CSMD3: variants seen among roughly 807,000 people sequenced by gnomAD.
CSMD3 encodes CUB and Sushi multiple domains 3, also known as CUB and sushi domain-containing protein 3.
Under a neutral mutation model 435.2 loss-of-function variants are expected in CSMD3, and 177 were observed. That is an observed-to-expected ratio of 0.41 (90% confidence interval 0.36 to 0.46). CSMD3 has a LOEUF of 0.46. Ranked by LOEUF, CSMD3 falls within the 20% of genes least tolerant of loss-of-function variation. The pLI is 0.34. For synonymous variants in CSMD3, 1,656 were observed against 1,520.5 expected, an observed-to-expected ratio of 1.09 and a Z score of -2.07; for missense variants, 4,265 against 4,504.6, an observed-to-expected ratio of 0.95 and a Z score of 1.52.
At chr8:112,279,259 T>A (rs1818397912) in intron 59 of CSMD3, among the ~76,000 whole-genome samples, 1 of 152,198 alleles carries the variant, frequency 6.6e-6, no homozygotes, top group Non-Finnish European at 1.5e-5. Flanking sequence ...TCTTCATAGA[T>A]ACTGGGCCTC....
intron 1 of CSMD3, among the ~76,000 whole-genome samples, chr8:113,366,448 T>A (rs939891940): frequency 6.6e-6 from 1 of 152,054 alleles, no homozygotes; most frequent in African/African-American, 2.4e-5. Flanking sequence ...AATACCTTAC[T>A]AAGAACTGTA....
At chr8:112,953,139 T>G (rs1361001734) in intron 8 of CSMD3, among the ~76,000 whole-genome samples, 3 of 151,452 alleles carry the variant, frequency 2.0e-5, no homozygotes, top group East Asian at 1.9e-4. Flanking sequence ...TAAGCCATTC[T>G]AATACGCTGT....
intron 1 of CSMD3, among the ~76,000 whole-genome samples, chr8:113,343,021 A>C (rs2094130174): frequency 6.6e-6 from 1 of 152,114 alleles, no homozygotes; most frequent in Middle Eastern, 3.4e-3. Context: ...AGGAGGAGGA[A>C]GAAGAGTCAA....
intron 5 of CSMD3, among the ~76,000 whole-genome samples, chr8:113,094,480 T>G (rs1178885132): frequency 6.6e-6 from 1 of 152,160 alleles, no homozygotes; most frequent in East Asian, 1.9e-4. Context: ...TTTTTCAATG[T>G]CTGGTAGGTG....
intron 5 of CSMD3, among the ~76,000 whole-genome samples, chr8:113,088,975 A>G (rs145344260): frequency 6.6e-6 from 1 of 152,100 alleles, no homozygotes; most frequent in Non-Finnish European, 1.5e-5. Context: ...CATTAAACAC[A>G]TATTTTTCTT....
intron 11 of CSMD3, among the ~76,000 whole-genome samples, chr8:112,854,686 A>C (rs980251398): frequency 6.6e-6 from 1 of 152,232 alleles, no homozygotes; most frequent in African/African-American, 2.4e-5. Flanking sequence ...TGGGATCATG[A>C]AATTTAAAAT....
chr8:113,236,106 A>G (rs1225628775), intron 3 of CSMD3, among the ~76,000 whole-genome samples: 1 of 152,178 alleles, frequency 6.6e-6, no homozygotes, highest in Non-Finnish European at 1.5e-5. Context: ...TCCTCATTTG[A>G]ATAGTAAAAA....
chr8:113,425,530 A>T (rs2094631318), intron 1 of CSMD3, among the ~76,000 whole-genome samples: 1 of 151,386 alleles, frequency 6.6e-6, no homozygotes, highest in Non-Finnish European at 1.5e-5. Context: ...CAAATTGGCA[A>T]TATATAAAAA....
chr8:112,656,078 C>A (rs2131659772), intron 18 of CSMD3, 76 bp downstream of exon 18: 1 of 776,262 alleles, frequency 1.3e-6, no homozygotes, highest in South Asian at 1.5e-5. Context: ...GCTAATAGTT[C>A]CATTAGTAAA....
chr8:112,622,826 T>C (rs987527314), intron 22 of CSMD3, among the ~76,000 whole-genome samples: 1 of 152,148 alleles, frequency 6.6e-6, no homozygotes, highest in Non-Finnish European at 1.5e-5. Flanking sequence ...GGTTGATACA[T>C]GCAAATCACT....
intron 27 of CSMD3, among the ~76,000 whole-genome samples, chr8:112,541,860 T>A (rs1196175442): frequency 1.3e-5 from 2 of 151,882 alleles, no homozygotes; most frequent in Non-Finnish European, 2.9e-5. Context: ...ATATTTCTGA[T>A]GAATACATGT....
At chr8:112,343,808 G>A (rs187681224) in intron 41 of CSMD3, among the ~76,000 whole-genome samples, 4 of 152,070 alleles carry the variant, frequency 2.6e-5, no homozygotes, top group African/African-American at 9.6e-5. Context: ...CACCATGTGT[G>A]GCTAGTTTTT....
intron 22 of CSMD3, among the ~76,000 whole-genome samples, chr8:112,622,134 T>C (rs781188029): frequency 1.3e-5 from 2 of 152,170 alleles, no homozygotes; most frequent in Non-Finnish European, 2.9e-5. Flanking sequence ...ATTCCAGGAA[T>C]TGGGATCTTA....
intron 1 of CSMD3, among the ~76,000 whole-genome samples, chr8:113,322,928 T>C (rs964836684): frequency 6.6e-6 from 1 of 152,070 alleles, no homozygotes; most frequent in African/African-American, 2.4e-5. Context: ...GTATTTTAAG[T>C]AGAGACAAGG....
intron 8 of CSMD3, among the ~76,000 whole-genome samples, chr8:112,952,114 G>A (rs1340276074): frequency 2.7e-5 from 4 of 150,174 alleles, no homozygotes; most frequent in African/African-American, 2.4e-5. Flanking sequence ...AAAAGAACAC[G>A]GGGTAGATAG....
At chr8:112,866,995 T>C (rs754319712) in intron 10 of CSMD3, among the ~76,000 whole-genome samples, 3 of 152,124 alleles carry the variant, frequency 2.0e-5, no homozygotes, top group Non-Finnish European at 4.4e-5. Flanking sequence ...GACTTACTTA[T>C]TTAAATGTTT....
chr8:113,313,590 CTG>C (rs1354756223), intron 2 of CSMD3: 2 of 152,138 alleles, frequency 1.3e-5, no homozygotes, highest in African/African-American at 4.8e-5. Flanking sequence ...ACTGATGAAA[CTG>C]TAAAAAGTTA....
At chr8:113,241,018 G>C (rs2093209022) in intron 3 of CSMD3, among the ~76,000 whole-genome samples, 1 of 152,094 alleles carries the variant, frequency 6.6e-6, no homozygotes, top group Non-Finnish European at 1.5e-5. Flanking sequence ...AAATATGGTA[G>C]AAACATATTA....
chr8:112,758,743 C>T (rs1029579025), intron 13 of CSMD3, among the ~76,000 whole-genome samples: 2 of 152,142 alleles, frequency 1.3e-5, no homozygotes, highest in Non-Finnish European at 2.9e-5. Context: ...ATTTCTACCT[C>T]ATGATAACAT....
Sources: gnomAD v4.1 joint callset for allele counts (sites outside exome capture counted in the v4.1 genomes callset) on GRCh38, gnomAD v4.1.1 for gene constraint, MANE v1.5 for transcripts, NCBI Gene and HGNC (gene_info 2026-07-23, HGNC 2026-07-21) for gene names.